The following CHI3L2 variants were observed in gnomAD, a reference collection of about 807,000 sequenced individuals.
The protein encoded by CHI3L2 is chitinase-3-like protein 2.
Under a neutral mutation model 47.3 loss-of-function variants are expected in CHI3L2, and 47 were observed. The observed-to-expected ratio is 0.99, with a 90% confidence interval of 0.79 to 1.27. The LOEUF (loss-of-function observed/expected upper bound fraction) is 1.27, where lower values mean the gene tolerates loss of function less well. Ranked by LOEUF, CHI3L2 falls within the 50% of genes most tolerant of loss-of-function variation. CHI3L2 has a pLI of 0.00. For synonymous variants in CHI3L2, 198 were observed against 169.9 expected (o/e 1.17, Z -1.28); for missense variants, 497 against 462.1 (o/e 1.08, Z -0.69).
chr1:111,235,803 A>C (rs1257604653), intron 6 of CHI3L2, 40 bp downstream of exon 6: 18 of 1,605,892 alleles, frequency 1.1e-5, no homozygotes, highest in Non-Finnish European at 1.5e-5. Flanking sequence ...TCTGCTTCCA[A>C]TTTGGTCCAT....
In CHI3L2 at chr1:111,230,015, G is replaced by A. The variant is rs1410961492; in HGVS notation, c.70+134G>A. ...CCGGTTCTGCCACTGACATATTTATGACACTGAGTTTTTATTCTATCTTTT... is the reference window on the plus strand; with the variant it reads ...CCGGTTCTGCCACTGACATATTTATAACACTGAGTTTTTATTCTATCTTTT... On this transcript the variant is annotated intron_variant, in intron 2 of 10. Transcript: ENST00000369748. The A allele has an allele frequency of 7.6e-5, 72 of 942,620 alleles. 1 individual carries two copies. The East Asian group carries it at 1.9e-3, about 24-fold the overall frequency. 58.4% of individuals were successfully genotyped at this position (942,620 alleles called of 1,614,324 possible).
intron 4 of CHI3L2, among the ~76,000 whole-genome samples, chr1:111,231,643 T>G (rs1659726881): frequency 1.3e-5 from 2 of 152,244 alleles, no homozygotes; most frequent in South Asian, 4.1e-4. Context: ...AAAAATCACT[T>G]GAGGGTTTGA....
At chr1:111,233,292 G>T (rs1171714185) in intron 4 of CHI3L2, among the ~76,000 whole-genome samples, 2 of 152,160 alleles carry the variant, frequency 1.3e-5, no homozygotes, top group Non-Finnish European at 2.9e-5. Flanking sequence ...TGGGGACCAT[G>T]AAGTCACTGG....
intron 7 of CHI3L2, among the ~76,000 whole-genome samples, chr1:111,238,232 C>T (rs1659939587): frequency 6.6e-6 from 1 of 152,184 alleles, no homozygotes; most frequent in South Asian, 2.1e-4. Flanking sequence ...CTCAGGATCT[C>T]CTGAGAGCTG....
chr1:111,233,668 G>A (rs928592991), intron 4 of CHI3L2, among the ~76,000 whole-genome samples: 1 of 152,052 alleles, frequency 6.6e-6, no homozygotes, highest in Non-Finnish European at 1.5e-5. Flanking sequence ...CCTCTGCCCG[G>A]CCACCACCCC....
intron 7 of CHI3L2, 108 bp from the exon 8 acceptor site, chr1:111,238,642 G>A: frequency 8.4e-7 from 1 of 1,188,372 alleles, no homozygotes; most frequent in South Asian, 1.3e-5. Context: ...CTCGGATGTA[G>A]AAAAGAAACC....
chr1:111,231,242 C>A lies in CHI3L2; in HGVS notation c.277C>A (p.Pro93Thr), dbSNP rs1267053010. 7 of 1,609,548 alleles carry A rather than the reference C, an allele frequency of 4.3e-6. No individual in the cohort carries two copies. The highest frequency in any genetic ancestry group is 5.1e-6 in the Non-Finnish European group (6 of 1,176,074). Reference sequence around the variant, plus strand: ...CATCTTATTCTTCTACTTCAGGAATCCCAAACTGAAAATTCTCTTGTCCAT... The same window carrying A: ...CATCTTATTCTTCTACTTCAGGAATACCAAACTGAAAATTCTCTTGTCCAT... ...QTINSLKTKN[P>T]KLKILLSIGG... is the part of the protein sequence containing the mutation. Residue 93 changes from proline (P) to threonine (T), a missense_variant, in exon 4 of 11, where the codon CCC becomes ACC. Physicochemically the swap from Pro to Thr is conservative, Grantham distance 38. Transcript: ENST00000369748.
intron 8 of CHI3L2, among the ~76,000 whole-genome samples, chr1:111,240,096 G>A (rs1311880146): frequency 3.3e-5 from 5 of 152,044 alleles, no homozygotes; most frequent in African/African-American, 9.7e-5. Context: ...GTTTATGCTG[G>A]GCCTTGAAGG....
At chr1:111,233,784 A>T (rs1280797543) in intron 4 of CHI3L2, among the ~76,000 whole-genome samples, 1 of 151,834 alleles carries the variant, frequency 6.6e-6, no homozygotes, top group Non-Finnish European at 1.5e-5. Flanking sequence ...GAGAAATCGG[A>T]TGGTTGCCGT....
rs1659565071 is a variant in CHI3L2 at position 111,227,724 on chromosome 1, A to G, written c.-6A>G. 1 of 1,614,062 alleles carries G rather than the reference A, an allele frequency of 6.2e-7. No homozygotes were observed. The highest frequency in any genetic ancestry group is 1.3e-5 in the African/African-American group (1 of 74,930). On this transcript the variant is annotated 5_prime_UTR_variant, in exon 1 of 11. Transcript: ENST00000369748. ...ATGTGTATCCCAGAAGAAGCTGGCC[A>G]AGGATATGGGAGCAACCACCATGGA... is the stretch of plus-strand genomic sequence containing the variant.
At chr1:111,243,054 G>C (rs1169426045) in intron 10 of CHI3L2, among the ~76,000 whole-genome samples, 163 bp from the exon 11 acceptor site, 2 of 152,198 alleles carry the variant, frequency 1.3e-5, no homozygotes, top group Non-Finnish European at 2.9e-5. Context: ...ACAACTAAAA[G>C]ACTGGCTCTG....
intron 8 of CHI3L2, among the ~76,000 whole-genome samples, chr1:111,240,834 T>C (rs762892333): frequency 2.6e-5 from 4 of 151,724 alleles, no homozygotes; most frequent in Non-Finnish European, 2.9e-5. Flanking sequence ...AGAGGAGGAG[T>C]AATAAGATTT....
rs1232114004 is a variant in CHI3L2 at position 111,238,397 on chromosome 1, C to G, written c.736-353C>G. Among the ~76,000 whole-genome samples the G allele has an allele frequency of 3.9e-5, 6 of 152,292 alleles. No homozygotes were observed. The South Asian group carries it at 1.0e-3, about 26-fold the overall frequency. On this transcript the variant is annotated intron_variant, in intron 7 of 10. Coordinates refer to ENST00000369748, the MANE Select transcript of CHI3L2 (RefSeq NM_004000.3). ...TCTGACAGCCACCTTTGTCAGTATTCACAAAGAGCCATTGTGTAGACAAGT... is the reference window on the plus strand; with the variant it reads ...TCTGACAGCCACCTTTGTCAGTATTGACAAAGAGCCATTGTGTAGACAAGT...
chr1:111,235,966 A>G lies in CHI3L2; in HGVS notation c.606-58A>G, dbSNP rs1659874887. On this transcript the variant is annotated intron_variant, in intron 6 of 10. Coordinates refer to ENST00000369748, the MANE Select transcript of CHI3L2 (RefSeq NM_004000.3). ...TCATTCAAAGCCAAAACAATTACTTACAATTGTTTCTACCACTGCTCGTCA... is the reference window on the plus strand; with the variant it reads ...TCATTCAAAGCCAAAACAATTACTTGCAATTGTTTCTACCACTGCTCGTCA... 4 of 1,596,244 alleles carry G rather than the reference A, an allele frequency of 2.5e-6. No homozygotes were observed. The African/African-American group carries it at 4.0e-5, about 16-fold the overall frequency.
In CHI3L2 at chr1:111,234,973, G is replaced by A; in HGVS notation, c.396G>A (p.Leu132=). 1.9e-6 allele frequency: 3 copies of A among 1,614,146 alleles called. No homozygotes were observed. The highest frequency in any genetic ancestry group is 2.5e-6 in the Non-Finnish European group (3 of 1,180,024). The part of the protein sequence containing the change: ...LEFINSIILF[L]RNHNFDGLDV... ...TCATTAACTCCATAATCCTGTTTCT[G>A]AGGAACCATAACTTTGATGGACTGG... The change falls in exon 5 of 11, where the codon CTG becomes CTA. Residue 132 remains leucine (L), a synonymous_variant. Coordinates refer to ENST00000369748, the MANE Select transcript of CHI3L2 (RefSeq NM_004000.3).
At chr1:111,241,886 ATG>A (rs1387856058) in intron 9 of CHI3L2, among the ~76,000 whole-genome samples, 9 of 152,148 alleles carry the variant, frequency 5.9e-5, no homozygotes, top group Admixed American at 3.9e-4. Context: ...TGTTCCTTTC[ATG>A]GTTAGAACAA....
At chr1:111,231,538 A>G in intron 4 of CHI3L2, 1 of 390,654 alleles carries the variant, frequency 2.6e-6, no homozygotes, top group Non-Finnish European at 4.5e-6. Context: ...AAAGTGGGCC[A>G]TGAACAATAT....
intron 7 of CHI3L2, among the ~76,000 whole-genome samples, chr1:111,237,142 A>T (rs2477576): frequency 0.25 from 37,739 of 152,020 alleles, 5,557 homozygotes; most frequent in Non-Finnish European, 0.34. Context: ...TGGCCGCATG[A>T]CTCCTAAACC....
chr1:111,231,667 G>T (rs1168958894), intron 4 of CHI3L2, among the ~76,000 whole-genome samples: 4 of 152,186 alleles, frequency 2.6e-5, no homozygotes, highest in Admixed American at 6.5e-5. Flanking sequence ...TGTGCCCCGG[G>T]GTGGGTTGGA....
Sources: gnomAD v4.1 joint callset for allele counts (sites outside exome capture counted in the v4.1 genomes callset) on GRCh38, gnomAD v4.1.1 for gene constraint, MANE v1.5 for transcripts, NCBI Gene and HGNC (gene_info 2026-07-23, HGNC 2026-07-21) for gene names.